The following CDK6 variants were observed in gnomAD, a reference collection of about 807,000 sequenced individuals.
The protein encoded by CDK6 is cyclin dependent kinase 6.
In CDK6, 6 loss-of-function variants were observed where a neutral mutation model predicts 37.1. The observed-to-expected ratio is 0.16, with a 90% CI of 0.09 to 0.32. CDK6 has a LOEUF of 0.32. Among genes scored for constraint, CDK6 ranks in the 10% least tolerant of loss-of-function variants. CDK6 has a pLI of 1.00. For missense variants in CDK6, 224 were observed against 418.9 expected (o/e 0.53, Z 4.06); for synonymous variants, 160 against 161.3 (o/e 0.99, Z 0.06).
chr7:92,814,234 G>A (rs1800964113), intron 2 of CDK6, among the ~76,000 whole-genome samples: 2 of 152,244 alleles, frequency 1.3e-5, no homozygotes, highest in Non-Finnish European at 1.5e-5. Flanking sequence ...ATATAGCCAG[G>A]TGCAATCAGC....
chr7:92,825,149 T>C (rs576355636), intron 2 of CDK6, among the ~76,000 whole-genome samples: 53 of 152,212 alleles, frequency 3.5e-4, no homozygotes, highest in Admixed American at 1.4e-3. Flanking sequence ...TGGGTAAACA[T>C]TTCAATATGC....
intron 1 of CDK6, among the ~76,000 whole-genome samples, 196 bp downstream of exon 1, chr7:92,836,282 G>C (rs1046477533): frequency 6.6e-6 from 1 of 151,512 alleles, no homozygotes; most frequent in African/African-American, 2.4e-5. Context: ...CCCAAAACTG[G>C]CCCCCATAAC....
intron 4 of CDK6, among the ~76,000 whole-genome samples, chr7:92,679,350 C>T (rs1167340037): frequency 6.6e-6 from 1 of 152,120 alleles, no homozygotes. Context: ...TTTAAAAAAA[C>T]ATATATACTT....
chr7:92,793,566 G>T (rs918280766), intron 2 of CDK6, among the ~76,000 whole-genome samples: 1 of 152,038 alleles, frequency 6.6e-6, no homozygotes, highest in Admixed American at 6.6e-5. Flanking sequence ...GAATGAAATT[G>T]GATCCTAACC....
At chr7:92,628,122 AG>A (rs1795970655) in intron 5 of CDK6, among the ~76,000 whole-genome samples, 1 of 152,162 alleles carries the variant, frequency 6.6e-6, no homozygotes, top group South Asian at 2.1e-4. Flanking sequence ...TTATCAGATT[AG>A]GGTTAAATAA....
chr7:92,801,868 C>A (rs542322337), intron 2 of CDK6, among the ~76,000 whole-genome samples: 1 of 151,958 alleles, frequency 6.6e-6, no homozygotes, highest in Non-Finnish European at 1.5e-5. Context: ...GTGATCCACC[C>A]GCCTTAGCTT....
At chr7:92,720,507 T>C (rs1274119322) in intron 4 of CDK6, among the ~76,000 whole-genome samples, 2 of 152,154 alleles carry the variant, frequency 1.3e-5, no homozygotes, top group Non-Finnish European at 2.9e-5. Flanking sequence ...CCAAATCCAA[T>C]GGCAACAATA....
chr7:92,636,123 C>T (rs1015369699), intron 5 of CDK6, among the ~76,000 whole-genome samples: 6 of 152,234 alleles, frequency 3.9e-5, no homozygotes, highest in African/African-American at 1.4e-4. Flanking sequence ...GTGAAGTGAT[C>T]TCAGCTTGCT....
intron 5 of CDK6, among the ~76,000 whole-genome samples, chr7:92,651,441 AAACAAC>A (rs201351186): frequency 1.4e-4 from 22 of 152,288 alleles, no homozygotes; most frequent in Non-Finnish European, 4.4e-5. Flanking sequence ...CCAAAACAAC[AAACAAC>A]AACAACAACA....
At chr7:92,720,051 A>G (rs375566740) in intron 4 of CDK6, among the ~76,000 whole-genome samples, 23 of 152,334 alleles carry the variant, frequency 1.5e-4, no homozygotes, top group Admixed American at 2.6e-4. Flanking sequence ...TTTATAAGAC[A>G]TTCAGGTGCA....
At chr7:92,773,016 T>C (rs999361188) in intron 3 of CDK6, among the ~76,000 whole-genome samples, 6 of 152,212 alleles carry the variant, frequency 3.9e-5, no homozygotes, top group Non-Finnish European at 5.9e-5. Flanking sequence ...CAATGATTTT[T>C]TGATAGTCTA....
chr7:92,832,805 TCAG>T (rs1801525134), intron 2 of CDK6, among the ~76,000 whole-genome samples: 1 of 152,140 alleles, frequency 6.6e-6, no homozygotes, highest in Non-Finnish European at 1.5e-5. Flanking sequence ...AGACCCTCCT[TCAG>T]GGTGGGCAGG....
At chr7:92,739,167 A>G (rs1312705879) in intron 3 of CDK6, among the ~76,000 whole-genome samples, 2 of 152,160 alleles carry the variant, frequency 1.3e-5, no homozygotes, top group Non-Finnish European at 2.9e-5. Context: ...TTGTGTTTCC[A>G]TAATTACCTT....
chr7:92,832,084 G>A (rs1801500629), intron 2 of CDK6, among the ~76,000 whole-genome samples: 1 of 152,176 alleles, frequency 6.6e-6, no homozygotes, highest in Non-Finnish European at 1.5e-5. Flanking sequence ...ATCGAGAAAG[G>A]TAAAATCACA....
intron 5 of CDK6, among the ~76,000 whole-genome samples, chr7:92,665,267 T>TCATCCATC (rs3831549): frequency 3.7e-3 from 563 of 150,942 alleles, no homozygotes; most frequent in East Asian, 0.015. Flanking sequence ...AACCATCCAA[T>TCATCCATC]CATCCATCCA....
chr7:92,644,075 C>T (rs925079438), intron 5 of CDK6, among the ~76,000 whole-genome samples: 1 of 152,234 alleles, frequency 6.6e-6, no homozygotes, highest in East Asian at 1.9e-4. Context: ...GTCCAATTTT[C>T]TTTCTCAGTG....
intron 2 of CDK6, among the ~76,000 whole-genome samples, chr7:92,789,821 T>C (rs550323318): frequency 2.6e-5 from 4 of 152,276 alleles, no homozygotes; most frequent in African/African-American, 9.6e-5. Flanking sequence ...CTAAGATTCA[T>C]AGAATAATTT....
chr7:92,660,578 T>A (rs2116579391), intron 5 of CDK6, among the ~76,000 whole-genome samples: 1 of 152,276 alleles, frequency 6.6e-6, no homozygotes, highest in South Asian at 2.1e-4. Context: ...AATAAGAATA[T>A]TAATTTATCA....
chr7:92,655,726 T>G (rs952782036), intron 5 of CDK6, among the ~76,000 whole-genome samples: 2 of 152,196 alleles, frequency 1.3e-5, no homozygotes, highest in African/African-American at 4.8e-5. Flanking sequence ...TAGTATCCAG[T>G]TCAGTTCATG....
Sources: allele counts gnomAD v4.1 joint callset (sites outside exome capture counted in the v4.1 genomes callset), GRCh38; gene constraint gnomAD v4.1.1; transcripts MANE v1.5; gene names NCBI Gene and HGNC (gene_info 2026-07-23, HGNC 2026-07-21).